Variants in FAAH2 observed in about 807,000 individuals in gnomAD.
The protein encoded by FAAH2 is fatty-acid amide hydrolase 2.
In FAAH2, 60 loss-of-function variants were observed where a neutral mutation model predicts 36.9. That is an observed-to-expected ratio of 1.63 (90% CI 1.32 to 2.02). FAAH2 has a LOEUF of 2.02. Among genes scored for constraint, FAAH2 ranks in the 30% most tolerant of loss-of-function variants. FAAH2 has a pLI of 0.00. For missense variants in FAAH2, 689 were observed against 397.5 expected (o/e 1.73, Z -6.23); for synonymous variants, 214 against 143.8 (o/e 1.49, Z -3.49).
chrX:57,280,226 T>A, the FAAH2 span, among the ~76,000 whole-genome samples: 1 of 111,417 alleles, frequency 9.0e-6, no homozygotes, highest in Non-Finnish European at 1.9e-5. Context: ...CAGATCTTTT[T>A]TTTTCTGTAC....
chrX:57,274,685 G>C, the FAAH2 span, among the ~76,000 whole-genome samples: 1 of 111,184 alleles, frequency 9.0e-6, no homozygotes, highest in African/African-American at 3.3e-5. Flanking sequence ...CACAGAAAAG[G>C]CCTTTGATAA....
chrX:57,205,852 G>C, the FAAH2 span, among the ~76,000 whole-genome samples: 1 of 112,199 alleles, frequency 8.9e-6, no homozygotes, highest in East Asian at 2.8e-4. Context: ...AAAGCTTGCT[G>C]TATTTGTGCC....
At chrX:57,435,878 C>T (rs1381007918) in intron 8 of FAAH2, among the ~76,000 whole-genome samples, 3 of 111,419 alleles carry the variant, frequency 2.7e-5, no homozygotes, top group Non-Finnish European at 5.7e-5. Flanking sequence ...TACTCAACAA[C>T]TGTGAAATGT....
intron 10 of FAAH2, among the ~76,000 whole-genome samples, chrX:57,474,630 C>A (rs1361278865): frequency 9.0e-6 from 1 of 111,613 alleles, no homozygotes; most frequent in African/African-American, 3.3e-5. Flanking sequence ...TGGGTTAGTT[C>A]CAAGTCTTTG....
At chrX:57,455,853 C>A (rs1030759214) in intron 10 of FAAH2, among the ~76,000 whole-genome samples, 1 of 111,775 alleles carries the variant, frequency 8.9e-6, no homozygotes, top group Non-Finnish European at 1.9e-5. Context: ...CAAATAATAA[C>A]GGGGGATTTT....
chrX:57,292,655 A>T, intron 2 of FAAH2, 75 bp downstream of exon 2: 1 of 832,777 alleles, frequency 1.2e-6, no homozygotes, highest in South Asian at 2.6e-5. Context: ...CCACCTTAGC[A>T]TATTTCCTAG....
chrX:57,267,889 A>T, the FAAH2 span, among the ~76,000 whole-genome samples: 1 of 112,712 alleles, frequency 8.9e-6, no homozygotes, highest in Non-Finnish European at 1.9e-5. Flanking sequence ...ATAAGCCCAC[A>T]AAAATGAGAT....
chrX:57,314,153 A>G (rs187005633), intron 3 of FAAH2, among the ~76,000 whole-genome samples: 4 of 112,070 alleles, frequency 3.6e-5, no homozygotes, highest in African/African-American at 1.3e-4. Flanking sequence ...AGGGCATTAT[A>G]TAATGATAAA....
the FAAH2 span, among the ~76,000 whole-genome samples, chrX:57,213,454 G>A: frequency 5.4e-5 from 6 of 111,447 alleles, no homozygotes; most frequent in Non-Finnish European, 7.5e-5. Context: ...TTCTTTTGAT[G>A]TATGCATTTA....
At chrX:57,209,551 C>T in the FAAH2 span, among the ~76,000 whole-genome samples, 1 of 111,038 alleles carries the variant, frequency 9.0e-6, no homozygotes, top group East Asian at 2.9e-4. Flanking sequence ...GACCTGGTAC[C>T]CAAAATGCAA....
the FAAH2 span, among the ~76,000 whole-genome samples, chrX:57,166,482 G>T: frequency 2.7e-5 from 3 of 111,964 alleles, no homozygotes; most frequent in African/African-American, 9.7e-5. Flanking sequence ...CCCCCTAAGG[G>T]TATACCGAGC....
At chrX:57,330,818 G>T (rs930161115) in intron 3 of FAAH2, among the ~76,000 whole-genome samples, 4 of 111,123 alleles carry the variant, frequency 3.6e-5, no homozygotes, top group Non-Finnish European at 7.5e-5. Context: ...CAATAGGAGG[G>T]TATGGGCTAG....
At chrX:57,302,664 C>G (rs1186576809) in intron 2 of FAAH2, among the ~76,000 whole-genome samples, 1 of 111,156 alleles carries the variant, frequency 9.0e-6, no homozygotes, top group Non-Finnish European at 1.9e-5. Flanking sequence ...GGGGTAGAAT[C>G]CTCCTTGGAT....
the FAAH2 span, among the ~76,000 whole-genome samples, chrX:57,213,252 A>G: frequency 9.0e-6 from 1 of 111,154 alleles, no homozygotes; most frequent in East Asian, 2.8e-4. Flanking sequence ...GTGGGCTATC[A>G]ATTTGGTTTA....
At chrX:57,477,186 A>C (rs998664122) in intron 10 of FAAH2, among the ~76,000 whole-genome samples, 1 of 110,305 alleles carries the variant, frequency 9.1e-6, no homozygotes, top group Non-Finnish European at 1.9e-5. Flanking sequence ...AGGGTTTTTC[A>C]TGTCTCAATC....
At chrX:57,182,891 G>T in the FAAH2 span, among the ~76,000 whole-genome samples, 1 of 110,901 alleles carries the variant, frequency 9.0e-6, no homozygotes, top group Middle Eastern at 4.2e-3. Flanking sequence ...GTCCATTGTA[G>T]GTACATAGTT....
chrX:57,340,131 C>T (rs147860587), intron 4 of FAAH2, among the ~76,000 whole-genome samples: 5 of 111,982 alleles, frequency 4.5e-5, no homozygotes, highest in Admixed American at 9.5e-5. Context: ...CGGCAAACCA[C>T]TTGTGTGAGT....
Position 57,418,929 on chromosome X carries a change from C to T in FAAH2, c.997-12989C>T, listed in dbSNP as rs773706849. Among the ~76,000 whole-genome samples the T allele has an allele frequency of 7.5e-3, 705 of 94,403 alleles. 7 individuals are homozygous for T. Among genetic ancestry groups the T allele is most frequent in the African/African-American group, 0.026 (669 of 25,368 alleles). 82.0% of individuals were successfully genotyped at this position (94,403 alleles called of 115,157 possible). A position where few individuals can be genotyped will look rare whatever the true frequency, so the allele number is the denominator to read the frequency against. Reference sequence around the variant, plus strand: ...TCCCCTTCCTGTGTCCATGTGTTCTCGTTGTTCAATTCCCACCTATGAGTG... The same window carrying T: ...TCCCCTTCCTGTGTCCATGTGTTCTTGTTGTTCAATTCCCACCTATGAGTG... On this transcript the variant is annotated intron_variant, in intron 7 of 10. Transcript: ENST00000374900.
chrX:57,275,801 C>G, the FAAH2 span, among the ~76,000 whole-genome samples: 1 of 111,415 alleles, frequency 9.0e-6, no homozygotes, highest in African/African-American at 3.3e-5. Flanking sequence ...GACTTTAAAC[C>G]AACAAAGATC....
Sources: allele counts gnomAD v4.1 joint callset (sites outside exome capture counted in the v4.1 genomes callset), GRCh38; gene constraint gnomAD v4.1.1; transcripts MANE v1.5; gene names NCBI Gene and HGNC (gene_info 2026-07-23, HGNC 2026-07-21).